OSBPL10: variants seen among roughly 807,000 people sequenced by gnomAD.
OSBPL10 encodes oxysterol binding protein like 10.
A neutral mutation model predicts 81.7 loss-of-function variants in OSBPL10; 49 were observed. The observed-to-expected ratio is 0.60, with a 90% CI of 0.48 to 0.76. The LOEUF (loss-of-function observed/expected upper bound fraction) is 0.76, where lower values mean the gene tolerates loss of function less well. OSBPL10 is among the 30% of genes least tolerant of loss of function. OSBPL10 has a pLI of 0.00. For synonymous variants in OSBPL10, 419 were observed against 383.6 expected (o/e 1.09, Z -1.08); for missense variants, 923 against 987.8 (o/e 0.93, Z 0.88).
intron 1 of OSBPL10, among the ~76,000 whole-genome samples, chr3:31,881,246 C>T (rs1439662852): frequency 6.6e-6 from 1 of 152,136 alleles, no homozygotes; most frequent in Non-Finnish European, 1.5e-5. Flanking sequence ...AGCAGTGTGC[C>T]TGATAGTTCA....
chr3:31,790,683 T>G (rs1213976407), intron 4 of OSBPL10, among the ~76,000 whole-genome samples: 1 of 152,162 alleles, frequency 6.6e-6, no homozygotes, highest in East Asian at 1.9e-4. Flanking sequence ...CCTTGAGGTC[T>G]GACCGCAAAG....
chr3:31,713,384 AATTTT>A (rs1380762990), intron 6 of OSBPL10, among the ~76,000 whole-genome samples: 2 of 151,422 alleles, frequency 1.3e-5, no homozygotes, highest in African/African-American at 4.9e-5. Context: ...ATCTTTTTTT[AATTTT>A]ATTTTATTTA....
chr3:31,818,899 C>T (rs996117915), intron 4 of OSBPL10, among the ~76,000 whole-genome samples: 4 of 152,220 alleles, frequency 2.6e-5, no homozygotes, highest in African/African-American at 9.6e-5. Context: ...CCACCCCTAC[C>T]GCTTTCTTTA....
chr3:31,906,760 G>A (rs1696418747), intron 1 of OSBPL10: 1 of 152,200 alleles, frequency 6.6e-6, no homozygotes, highest in Non-Finnish European at 1.5e-5. Flanking sequence ...ACCACTAGTG[G>A]ATTGGATTCA....
intron 6 of OSBPL10, chr3:31,708,745 T>G (rs1434528637): frequency 1.0e-6 from 1 of 985,432 alleles, no homozygotes; most frequent in African/African-American, 1.7e-5. Flanking sequence ...CAGGTGAGAT[T>G]TCTCCTCTGG....
chr3:31,759,782 A>T (rs1000536150), intron 4 of OSBPL10, among the ~76,000 whole-genome samples: 3 of 151,936 alleles, frequency 2.0e-5, no homozygotes, highest in African/African-American at 7.3e-5. Context: ...TTTTTTCCCC[A>T]AGAGTCTCAC....
chr3:31,681,863 A>G lies in OSBPL10; in HGVS notation c.1726+1771T>C, dbSNP rs574628180. On this transcript the variant is annotated intron_variant, in intron 8 of 11. Coordinates refer to ENST00000396556, the MANE Select transcript of OSBPL10 (RefSeq NM_017784.5). The stretch of plus-strand genomic sequence containing the variant: ...CTATGAAACTCCAGCTTGCATACAC[A>G]ATTGCCTACTTTAGCACTCCCTTCA... 6.6e-5 allele frequency among the ~76,000 whole-genome samples: 10 copies of G among 152,232 alleles called. No homozygotes were observed. The Middle Eastern group carries it at 0.01, about 155-fold the overall frequency.
At chr3:32,074,618 C>T (rs1219271671) in intron 1 of OSBPL10, among the ~76,000 whole-genome samples, 1 of 152,146 alleles carries the variant, frequency 6.6e-6, no homozygotes, top group African/African-American at 2.4e-5. Flanking sequence ...CTCCTCCTAG[C>T]CCCTCCTCTT....
At chr3:31,761,573 T>C (rs936417255) in intron 4 of OSBPL10, among the ~76,000 whole-genome samples, 3 of 151,714 alleles carry the variant, frequency 2.0e-5, no homozygotes, top group African/African-American at 7.3e-5. Flanking sequence ...TCCCAGCACT[T>C]TGGGAGGCCG....
At chr3:31,902,744 T>C (rs914743469) in intron 1 of OSBPL10, among the ~76,000 whole-genome samples, 1 of 152,126 alleles carries the variant, frequency 6.6e-6, no homozygotes, top group African/African-American at 2.4e-5. Flanking sequence ...TTTTGTATTT[T>C]CAGTAGAGAC....
chr3:31,738,584 A>G (rs1290637279), intron 5 of OSBPL10, among the ~76,000 whole-genome samples: 2 of 152,184 alleles, frequency 1.3e-5, no homozygotes, highest in African/African-American at 4.8e-5. Flanking sequence ...CCAGGTGCCA[A>G]GTACTGTGGT....
At chr3:31,663,621 C>A in intron 11 of OSBPL10, 1 of 1,042,486 alleles carries the variant, frequency 9.6e-7, no homozygotes, top group South Asian at 3.5e-5. Flanking sequence ...CCTTGTGGCC[C>A]ACAGGAGGCA....
chr3:32,071,332 C>A (rs543260554), intron 1 of OSBPL10, among the ~76,000 whole-genome samples: 142 of 152,264 alleles, frequency 9.3e-4, no homozygotes, highest in Non-Finnish European at 1.5e-3. Context: ...CTAACAAAAC[C>A]ATTACATAAA....
intron 5 of OSBPL10, among the ~76,000 whole-genome samples, chr3:31,744,727 T>C (rs1055030540): frequency 2.0e-5 from 3 of 150,996 alleles, no homozygotes; most frequent in Admixed American, 2.0e-4. Flanking sequence ...CTGAAATGCA[T>C]CCATTTGAGC....
intron 3 of OSBPL10, among the ~76,000 whole-genome samples, chr3:31,859,644 C>A (rs149512359): frequency 3.9e-4 from 60 of 152,288 alleles, no homozygotes; most frequent in African/African-American, 1.4e-3. Context: ...AAGGTCCTCA[C>A]CAGATGCTGG....
At chr3:31,770,681 G>C (rs1698355320) in intron 4 of OSBPL10, among the ~76,000 whole-genome samples, 2 of 152,152 alleles carry the variant, frequency 1.3e-5, no homozygotes, top group Non-Finnish European at 2.9e-5. Context: ...AGCTACTTGG[G>C]AGGCTGAGGC....
intron 4 of OSBPL10, among the ~76,000 whole-genome samples, chr3:31,763,287 T>A (rs1035006560): frequency 6.6e-6 from 1 of 152,152 alleles, no homozygotes; most frequent in Non-Finnish European, 1.5e-5. Flanking sequence ...ACTTCAGAAG[T>A]CTTCTGATTA....
At chr3:31,809,870 T>C (rs991260199) in intron 4 of OSBPL10, among the ~76,000 whole-genome samples, 8 of 51,790 alleles carry the variant, frequency 1.5e-4, no homozygotes, top group Admixed American at 6.1e-4. Flanking sequence ...CCCCTGACTC[T>C]TTTTTTTTTT....
chr3:31,780,489 T>TG (rs1379979867), intron 4 of OSBPL10, among the ~76,000 whole-genome samples: 4 of 144,348 alleles, frequency 2.8e-5, no homozygotes, highest in African/African-American at 7.7e-5. Context: ...TAAATGAAAT[T>TG]GAAAAAAAAA....
Sources: allele counts gnomAD v4.1 joint callset (sites outside exome capture counted in the v4.1 genomes callset), GRCh38; gene constraint gnomAD v4.1.1; transcripts MANE v1.5; gene names NCBI Gene and HGNC (gene_info 2026-07-23, HGNC 2026-07-21).